The following AGMO variants were observed in gnomAD, a reference collection of about 807,000 sequenced individuals.
The protein encoded by AGMO is glyceryl-ether monooxygenase.
AGMO carries 75 observed loss-of-function variants against 60.2 expected under a neutral mutation model. The observed-to-expected ratio is 1.25, with a 90% CI of 1.03 to 1.51. The LOEUF is 1.51. Ranked by LOEUF, AGMO falls within the 40% of genes most tolerant of loss-of-function variation. The pLI, the probability that AGMO is intolerant of heterozygous loss-of-function variation, is 0.00. For synonymous variants in AGMO, 261 were observed against 177.1 expected (o/e 1.47, Z -3.76); for missense variants, 763 against 525.5 (o/e 1.45, Z -4.42).
intron 12 of AGMO, among the ~76,000 whole-genome samples, chr7:15,308,326 T>C (rs1025413807): frequency 2.0e-5 from 3 of 152,076 alleles, no homozygotes; most frequent in African/African-American, 7.2e-5. Context: ...TTTATCCTTG[T>C]TCCTTTCACT....
chr7:15,318,256 A>T (rs1781001043), intron 12 of AGMO, among the ~76,000 whole-genome samples: 1 of 152,024 alleles, frequency 6.6e-6, no homozygotes, highest in Admixed American at 6.6e-5. Flanking sequence ...CACCCGCCTC[A>T]GCCTCACAAT....
chr7:15,372,231 A>G (rs1024795207), intron 10 of AGMO, among the ~76,000 whole-genome samples: 10 of 152,048 alleles, frequency 6.6e-5, no homozygotes, highest in Non-Finnish European at 1.0e-4. Flanking sequence ...TGAGCGGATC[A>G]CTTGAGGTCA....
At chr7:15,546,586 T>G (rs1023383907) in intron 2 of AGMO, among the ~76,000 whole-genome samples, 1 of 152,202 alleles carries the variant, frequency 6.6e-6, no homozygotes, top group Non-Finnish European at 1.5e-5. Flanking sequence ...GTGGCTATTT[T>G]GGGGCATGTA....
intron 3 of AGMO, among the ~76,000 whole-genome samples, chr7:15,523,844 A>C (rs1784060329): frequency 6.6e-6 from 1 of 152,186 alleles, no homozygotes; most frequent in Admixed American, 6.5e-5. Context: ...AATAATAAAA[A>C]AGACACCCAG....
In AGMO at chr7:15,561,917, A is replaced by G. The variant is rs1785322114; in HGVS notation, c.-72T>C. ...GCTTGAAGCCTGAGGCTGAACAAAG[A>G]GGACGAGATGTGCAGCTCAGAACAA... On this transcript the variant is annotated 5_prime_UTR_variant, in exon 1 of 13. Coordinates refer to ENST00000342526, the MANE Select transcript of AGMO (RefSeq NM_001004320.2). 2 of 1,489,690 alleles carry G rather than the reference A, an allele frequency of 1.3e-6. No individual in the cohort carries two copies. Among genetic ancestry groups the G allele is most frequent in the Non-Finnish European group, 1.8e-6 (2 of 1,104,560 alleles). The allele number at this position is 1,489,690 out of a possible 1,614,324, so 92.3% of individuals were successfully genotyped here. A position where few individuals can be genotyped will look rare whatever the true frequency, so the allele number is the denominator to read the frequency against.
chr7:15,130,073 A>C, the AGMO span, among the ~76,000 whole-genome samples: 1 of 152,110 alleles, frequency 6.6e-6, no homozygotes, highest in South Asian at 2.1e-4. Flanking sequence ...CCCCTTTGCA[A>C]TTTTAATATC....
At chr7:15,324,319 T>C (rs1251161764) in intron 12 of AGMO, among the ~76,000 whole-genome samples, 3 of 152,154 alleles carry the variant, frequency 2.0e-5, no homozygotes, top group Non-Finnish European at 4.4e-5. Context: ...CCCCACGTGT[T>C]TGTCTCCCAA....
chr7:15,275,938 G>A (rs1399854070), intron 12 of AGMO, among the ~76,000 whole-genome samples: 1 of 151,920 alleles, frequency 6.6e-6, no homozygotes, highest in African/African-American at 2.4e-5. Flanking sequence ...TCATTAGGTA[G>A]TTTCTTGCTT....
At chr7:15,354,871 T>C (rs141713199) in intron 12 of AGMO, among the ~76,000 whole-genome samples, 212 of 151,338 alleles carry the variant, frequency 1.4e-3, no homozygotes, top group African/African-American at 4.7e-3. Flanking sequence ...TCCTATAAAA[T>C]ATATTCTCAT....
chr7:15,509,480 C>G (rs1447118981), intron 3 of AGMO, among the ~76,000 whole-genome samples: 4 of 151,820 alleles, frequency 2.6e-5, no homozygotes, highest in African/African-American at 9.7e-5. Flanking sequence ...TGTAAAAATA[C>G]CAGAAGAAAA....
chr7:15,413,207 T>G (rs1299960069), intron 5 of AGMO, among the ~76,000 whole-genome samples: 1 of 152,192 alleles, frequency 6.6e-6, no homozygotes, highest in Non-Finnish European at 1.5e-5. Context: ...AGAAATACAC[T>G]GAATGGATTC....
chr7:15,538,383 C>A (rs1784532273), intron 3 of AGMO, among the ~76,000 whole-genome samples: 1 of 152,058 alleles, frequency 6.6e-6, no homozygotes, highest in Non-Finnish European at 1.5e-5. Context: ...TAGGCACGTG[C>A]CACCACACCC....
intron 12 of AGMO, among the ~76,000 whole-genome samples, chr7:15,232,696 T>C (rs913127445): frequency 4.6e-5 from 7 of 151,930 alleles, no homozygotes; most frequent in Admixed American, 3.3e-4. Flanking sequence ...AAAGGAAGTT[T>C]TACCCAACAA....
intron 12 of AGMO, among the ~76,000 whole-genome samples, chr7:15,311,702 T>C (rs537675072): frequency 1.1e-4 from 16 of 152,026 alleles, no homozygotes; most frequent in African/African-American, 3.9e-4. Context: ...CAATACAAAA[T>C]AGGAGGTAAT....
intron 2 of AGMO, among the ~76,000 whole-genome samples, chr7:15,551,735 C>T (rs2115299186): frequency 6.6e-6 from 1 of 151,450 alleles, no homozygotes; most frequent in East Asian, 1.9e-4. Context: ...TGAAAATGGC[C>T]ATACTGCCCA....
chr7:15,191,052 T>C, the AGMO span, among the ~76,000 whole-genome samples: 1 of 152,158 alleles, frequency 6.6e-6, no homozygotes, highest in Non-Finnish European at 1.5e-5. Context: ...ATGGATTACT[T>C]ACTATATGTG....
intron 5 of AGMO, among the ~76,000 whole-genome samples, chr7:15,402,983 C>T (rs187179455): frequency 6.6e-6 from 1 of 151,508 alleles, no homozygotes; most frequent in South Asian, 2.1e-4. Flanking sequence ...TCCAATGGAC[C>T]CTTCAATGGA....
intron 5 of AGMO, among the ~76,000 whole-genome samples, chr7:15,416,043 T>C (rs1474343141): frequency 1.3e-5 from 2 of 150,230 alleles, no homozygotes; most frequent in African/African-American, 2.4e-5. Context: ...TTTTTTTTTT[T>C]TGGAGGTGGG....
At position 15,279,797 on chromosome 7, in the gene AGMO, A is replaced by G. The variant is rs182886949; in HGVS notation, c.1264-78438T>C. ...CACACTCCCTTGTGGGAACCTGTCA[A>G]TCCAGGCCAAGGGAGAAGTCTTTCA... On this transcript the variant is annotated intron_variant, in intron 12 of 12. Coordinates refer to ENST00000342526, the MANE Select transcript of AGMO (RefSeq NM_001004320.2). 3.3e-5 allele frequency among the ~76,000 whole-genome samples: 5 copies of G among 152,264 alleles called. No individual in the cohort carries two copies. The East Asian group carries it at 7.7e-4, about 24-fold the overall frequency.
Sources: gnomAD v4.1 joint callset for allele counts (sites outside exome capture counted in the v4.1 genomes callset) on GRCh38, gnomAD v4.1.1 for gene constraint, MANE v1.5 for transcripts, NCBI Gene and HGNC (gene_info 2026-07-23, HGNC 2026-07-21) for gene names.